The following MCF2L variants were observed in gnomAD, a reference collection of about 807,000 sequenced individuals.
MCF2L encodes the protein guanine nucleotide exchange factor DBS.
Under a neutral mutation model 153.4 loss-of-function variants are expected in MCF2L, and 97 were observed. The observed-to-expected ratio is 0.63, with a 90% CI of 0.54 to 0.75. The LOEUF (loss-of-function observed/expected upper bound fraction) is 0.75, where lower values mean the gene tolerates loss of function less well. MCF2L is among the 30% of genes least tolerant of loss of function. The pLI, the probability that MCF2L is intolerant of heterozygous loss-of-function variation, is 0.00. For synonymous variants in MCF2L, 659 were observed against 632.2 expected, an observed-to-expected ratio of 1.04 and a Z score of -0.64; for missense variants, 1,347 against 1,495.2, an observed-to-expected ratio of 0.90 and a Z score of 1.64.
Position 113,088,708 on chromosome 13 carries a change from C to A in MCF2L, c.2834+80C>A. ...CCATTTGCACGCCAGGGTCCTCGGCCTCTGTCAGTGGGACCCTGTGGTTAT... is the reference window on the plus strand; with the variant it reads ...CCATTTGCACGCCAGGGTCCTCGGCATCTGTCAGTGGGACCCTGTGGTTAT... On this transcript the variant is annotated intron_variant, in intron 25 of 29. Coordinates refer to ENST00000535094, the MANE Select transcript of MCF2L (RefSeq NM_001112732.3). 2.1e-6 allele frequency: 3 copies of A among 1,411,074 alleles called. No homozygotes were observed. In the South Asian group the frequency reaches 3.6e-5, roughly 17 times the overall value. 87.4% of individuals were successfully genotyped at this position (1,411,074 alleles called of 1,614,324 possible).
chr13:112,980,632 C>CCTTCCCCTTTCCCCCGCCTT, intron 1 of MCF2L, among the ~76,000 whole-genome samples: 1 of 152,062 alleles, frequency 6.6e-6, no homozygotes, highest in Non-Finnish European at 1.5e-5. Flanking sequence ...CAGGCTGCCG[C>CCTTCCCCTTTCCCCCGCCTT]CTTCCCCTTT....
At chr13:112,913,897 A>G (rs2081262092) in intron 2 of MCF2L, among the ~76,000 whole-genome samples, 1 of 152,184 alleles carries the variant, frequency 6.6e-6, no homozygotes, top group South Asian at 2.1e-4. Flanking sequence ...TTTCTCGCTC[A>G]CTTGACAGGC....
At chr13:112,959,814 G>C (rs1001998476) in intron 2 of MCF2L, among the ~76,000 whole-genome samples, 1 of 152,218 alleles carries the variant, frequency 6.6e-6, no homozygotes, top group African/African-American at 2.4e-5. Context: ...GTCCACAGCA[G>C]CAACGCACCG....
chr13:113,007,169 T>G (rs1208275889), intron 1 of MCF2L, among the ~76,000 whole-genome samples: 4 of 152,248 alleles, frequency 2.6e-5, no homozygotes, highest in Middle Eastern at 6.8e-3. Context: ...AGGGCATGAG[T>G]GCACACAGAT....
intron 23 of MCF2L, among the ~76,000 whole-genome samples, chr13:113,088,026 AG>A (rs2034805115): frequency 6.6e-6 from 1 of 152,198 alleles, no homozygotes; most frequent in South Asian, 2.1e-4. Context: ...CTCCCTCCCC[AG>A]GGGAGCTCAT....
At chr13:112,982,040 A>G (rs2082449630) in intron 1 of MCF2L, among the ~76,000 whole-genome samples, 1 of 152,136 alleles carries the variant, frequency 6.6e-6, no homozygotes, top group African/African-American at 2.4e-5. Context: ...GTTGTGGGAA[A>G]CTAGGCCCGG....
chr13:113,081,323 C>T (rs2034113773), intron 16 of MCF2L, 44 bp downstream of exon 16: 1 of 1,530,214 alleles, frequency 6.5e-7, no homozygotes, highest in Non-Finnish European at 8.8e-7. Context: ...GGGGACTCCC[C>T]TGGGCCAGCT....
At chr13:113,071,331 A>G (rs1023850813) in intron 9 of MCF2L, among the ~76,000 whole-genome samples, 1 of 152,130 alleles carries the variant, frequency 6.6e-6, no homozygotes, top group Non-Finnish European at 1.5e-5. Flanking sequence ...GTGGTTTGCG[A>G]ATATTTTCTC....
chr13:112,916,630 GT>G (rs2081294965), intron 2 of MCF2L, among the ~76,000 whole-genome samples: 1 of 152,190 alleles, frequency 6.6e-6, no homozygotes, highest in Non-Finnish European at 1.5e-5. Flanking sequence ...TGGCTGTCAT[GT>G]GTGCCGAGCA....
intron 8 of MCF2L, among the ~76,000 whole-genome samples, chr13:113,066,798 C>G (rs574043646): frequency 6.6e-6 from 1 of 152,256 alleles, no homozygotes; most frequent in Non-Finnish European, 1.5e-5. Context: ...GCCCTGCCTC[C>G]GAGCTGAGGA....
intron 13 of MCF2L, among the ~76,000 whole-genome samples, chr13:113,077,741 C>T (rs78434163): frequency 8.3e-4 from 127 of 152,298 alleles, no homozygotes; most frequent in Middle Eastern, 3.4e-3. Context: ...CCAGGCACGG[C>T]GCCATTTCCC....
intron 2 of MCF2L, chr13:112,917,116 C>G (rs1197475225): frequency 2.1e-6 from 1 of 471,278 alleles, no homozygotes; most frequent in South Asian, 1.5e-5. Context: ...GTACTCAGCC[C>G]CTCGGCGATC....
intron 2 of MCF2L, chr13:112,956,621 G>T (rs545367934): frequency 6.6e-6 from 1 of 152,372 alleles, no homozygotes; most frequent in African/African-American, 2.4e-5. Flanking sequence ...AGTGGCTGCG[G>T]CTTTCAGGCT....
chr13:112,909,628 G>T (rs1310910698), intron 2 of MCF2L: 1 of 291,560 alleles, frequency 3.4e-6, no homozygotes, highest in Non-Finnish European at 6.5e-6. Context: ...GAAATGAAGA[G>T]GGTTGTTTTG....
chr13:112,986,091 G>A (rs1435628460), intron 1 of MCF2L, among the ~76,000 whole-genome samples: 1 of 152,244 alleles, frequency 6.6e-6, no homozygotes, highest in African/African-American at 2.4e-5. Context: ...ATTCCACCTC[G>A]AAATCCAGAA....
chr13:113,039,645 C>T (rs2086360150), intron 3 of MCF2L, among the ~76,000 whole-genome samples: 1 of 152,132 alleles, frequency 6.6e-6, no homozygotes, highest in Non-Finnish European at 1.5e-5. Context: ...AGTAGAAAAA[C>T]AACCAAAAGA....
At chr13:113,003,930 A>G (rs746043331) in intron 1 of MCF2L, among the ~76,000 whole-genome samples, 1 of 152,162 alleles carries the variant, frequency 6.6e-6, no homozygotes. Flanking sequence ...AGAGGGTGCC[A>G]GTTGGGGGAG....
intron 4 of MCF2L, among the ~76,000 whole-genome samples, chr13:113,057,287 G>A (rs1404142278): frequency 6.9e-6 from 1 of 145,092 alleles, no homozygotes; most frequent in African/African-American, 2.5e-5. Context: ...GCTGTGTTTG[G>A]GTGCTGTGGG....
At chr13:112,895,013 G>A (rs973984393) in intron 1 of MCF2L, among the ~76,000 whole-genome samples, 12 of 152,284 alleles carry the variant, frequency 7.9e-5, no homozygotes, top group East Asian at 1.9e-4. Context: ...GCTTGTCCCG[G>A]GCCAGGGTCC....
Sources: gnomAD v4.1 joint callset for allele counts (sites outside exome capture counted in the v4.1 genomes callset) on GRCh38, gnomAD v4.1.1 for gene constraint, MANE v1.5 for transcripts, NCBI Gene and HGNC (gene_info 2026-07-23, HGNC 2026-07-21) for gene names.